UNC5D: variants seen among roughly 807,000 people sequenced by gnomAD.
The protein encoded by UNC5D is netrin receptor UNC5D.
In UNC5D, 39 loss-of-function variants were observed where a neutral mutation model predicts 105.4. The observed-to-expected ratio is 0.37, with a 90% confidence interval of 0.29 to 0.48. The LOEUF is 0.48. UNC5D is among the 20% of genes least tolerant of loss of function. The probability of loss-of-function intolerance (pLI) is 0.98; values close to 1 mark genes in which losing one functional copy is unlikely to be tolerated. For missense variants in UNC5D, 991 were observed against 1,202.4 expected (o/e 0.82, Z 2.60); for synonymous variants, 452 against 450.4 (o/e 1.00, Z -0.04).
intron 1 of UNC5D, among the ~76,000 whole-genome samples, chr8:35,385,536 G>A (rs971037896): frequency 2.9e-5 from 4 of 136,648 alleles, no homozygotes; most frequent in Non-Finnish European, 4.6e-5. Context: ...TGCAATCTCC[G>A]CTCACTGCAA....
chr8:35,529,498 G>T, intron 1 of UNC5D, among the ~76,000 whole-genome samples: 1 of 143,462 alleles, frequency 7.0e-6, no homozygotes, highest in African/African-American at 2.7e-5. Context: ...CTCCAGCTTT[G>T]TTCTTTTGGC....
chr8:35,278,487 A>T (rs1162119231), intron 1 of UNC5D, among the ~76,000 whole-genome samples: 2 of 152,148 alleles, frequency 1.3e-5, no homozygotes, highest in Non-Finnish European at 2.9e-5. Context: ...TTCAGTGGAT[A>T]TTTGAATTGG....
At chr8:35,445,667 C>T (rs1015720391) in intron 1 of UNC5D, among the ~76,000 whole-genome samples, 44 of 152,148 alleles carry the variant, frequency 2.9e-4, no homozygotes, top group African/African-American at 9.9e-4. Flanking sequence ...ACCCAGTAGT[C>T]TAAAGTGTAG....
chr8:35,498,292 T>C (rs1659979785), intron 1 of UNC5D, among the ~76,000 whole-genome samples: 1 of 151,450 alleles, frequency 6.6e-6, no homozygotes, highest in East Asian at 1.9e-4. Flanking sequence ...TGGAGTAGGT[T>C]GGTTGGAGCA....
chr8:35,274,143 A>G (rs1426238890), intron 1 of UNC5D, among the ~76,000 whole-genome samples: 1 of 152,162 alleles, frequency 6.6e-6, no homozygotes, highest in Admixed American at 6.5e-5. Context: ...GCTTGCTGGT[A>G]CCAGGTGGCA....
At chr8:35,561,005 C>T (rs1296154711) in intron 2 of UNC5D, among the ~76,000 whole-genome samples, 1 of 152,134 alleles carries the variant, frequency 6.6e-6, no homozygotes, top group South Asian at 2.1e-4. Context: ...TTATGCTTTC[C>T]AAAGCACAAT....
At chr8:35,244,768 T>C (rs1802986736) in intron 1 of UNC5D, among the ~76,000 whole-genome samples, 1 of 151,894 alleles carries the variant, frequency 6.6e-6, no homozygotes, top group African/African-American at 2.4e-5. Context: ...CCCAGCACTT[T>C]GGGAGGCTGA....
chr8:35,403,100 A>G (rs537730455), intron 1 of UNC5D, among the ~76,000 whole-genome samples: 1 of 152,264 alleles, frequency 6.6e-6, no homozygotes, highest in Admixed American at 6.5e-5. Context: ...ACTCCATGTC[A>G]CCTATATTTA....
chr8:35,768,654 G>A (rs1801878018), intron 15 of UNC5D, among the ~76,000 whole-genome samples: 2 of 152,172 alleles, frequency 1.3e-5, no homozygotes, highest in Admixed American at 1.3e-4. Flanking sequence ...ATTTATGTAA[G>A]AGGAATGTGA....
At chr8:35,722,527 C>T in intron 9 of UNC5D, 132 bp downstream of exon 9, 1 of 1,198,050 alleles carries the variant, frequency 8.3e-7, no homozygotes. Context: ...ATTGTCTTCA[C>T]ACATGAACAG....
intron 4 of UNC5D, among the ~76,000 whole-genome samples, chr8:35,666,750 A>AGAAAT (rs575190118): frequency 7.9e-5 from 12 of 152,202 alleles, no homozygotes; most frequent in Non-Finnish European, 1.6e-4. Flanking sequence ...GTGTTATTTA[A>AGAAAT]GAAATAAACT....
intron 1 of UNC5D, among the ~76,000 whole-genome samples, chr8:35,330,831 C>T (rs6992809): frequency 0.46 from 70,400 of 151,926 alleles, 16,742 homozygotes; most frequent in East Asian, 0.7. Flanking sequence ...TGTATTCTTT[C>T]ACTGTATTAT....
intron 1 of UNC5D, among the ~76,000 whole-genome samples, chr8:35,473,295 C>T (rs1796556280): frequency 6.6e-6 from 1 of 152,106 alleles, no homozygotes; most frequent in Non-Finnish European, 1.5e-5. Context: ...AAGGCTATTG[C>T]AAATTAGCGA....
chr8:35,331,403 G>A (rs1302090828), intron 1 of UNC5D, among the ~76,000 whole-genome samples: 1 of 152,106 alleles, frequency 6.6e-6, no homozygotes, highest in Non-Finnish European at 1.5e-5. Flanking sequence ...GAATATGGTG[G>A]ATTGCTCAAA....
At chr8:35,309,323 A>C (rs1323221906) in intron 1 of UNC5D, among the ~76,000 whole-genome samples, 2 of 152,172 alleles carry the variant, frequency 1.3e-5, no homozygotes, top group Non-Finnish European at 2.9e-5. Flanking sequence ...TTGCAGGTGC[A>C]ACACTGAGGT....
At chr8:35,352,845 T>C (rs1319171795) in intron 1 of UNC5D, among the ~76,000 whole-genome samples, 1 of 152,082 alleles carries the variant, frequency 6.6e-6, no homozygotes, top group Non-Finnish European at 1.5e-5. Context: ...ACTCCTGATA[T>C]CAAGTGATCC....
chr8:35,626,192 AC>A (rs887602050), intron 4 of UNC5D, among the ~76,000 whole-genome samples: 53 of 148,132 alleles, frequency 3.6e-4, no homozygotes, highest in African/African-American at 1.2e-3. Context: ...GGCCACTCAG[AC>A]TTTTTTTTTT....
At chr8:35,358,114 A>G (rs1306508161) in intron 1 of UNC5D, among the ~76,000 whole-genome samples, 4 of 152,192 alleles carry the variant, frequency 2.6e-5, no homozygotes, top group African/African-American at 7.2e-5. Context: ...CTGTTTCCAG[A>G]AATACCATTT....
intron 4 of UNC5D, among the ~76,000 whole-genome samples, chr8:35,682,557 A>G (rs963273218): frequency 3.3e-5 from 5 of 152,200 alleles, no homozygotes; most frequent in African/African-American, 1.2e-4. Flanking sequence ...TACTACCAAG[A>G]GGCACTAGAG....
Sources: allele counts gnomAD v4.1 joint callset (sites outside exome capture counted in the v4.1 genomes callset), GRCh38; gene constraint gnomAD v4.1.1; transcripts MANE v1.5; gene names NCBI Gene and HGNC (gene_info 2026-07-23, HGNC 2026-07-21).